The following SGCD variants were observed in gnomAD, a reference collection of about 807,000 sequenced individuals.
SGCD encodes sarcoglycan delta.
Under a neutral mutation model 36.6 loss-of-function variants are expected in SGCD, and 18 were observed. That is an observed-to-expected ratio of 0.49 (90% CI 0.34 to 0.73). The LOEUF (loss-of-function observed/expected upper bound fraction) is 0.73, where lower values mean the gene tolerates loss of function less well. Among genes scored for constraint, SGCD ranks in the 30% least tolerant of loss-of-function variants. SGCD has a pLI of 0.01. For missense variants in SGCD, 387 were observed against 346.7 expected (o/e 1.12, Z -0.92); for synonymous variants, 133 against 130.6 (o/e 1.02, Z -0.12).
chr5:155,951,001 T>C (rs920592264), intron 1 of SGCD, among the ~76,000 whole-genome samples: 3 of 152,116 alleles, frequency 2.0e-5, no homozygotes, highest in Non-Finnish European at 4.4e-5. Flanking sequence ...AACACAGTCT[T>C]TGAACTTCAT....
At chr5:156,008,466 C>T (rs764601602) in intron 1 of SGCD, among the ~76,000 whole-genome samples, 10 of 152,150 alleles carry the variant, frequency 6.6e-5, no homozygotes, top group Non-Finnish European at 1.3e-4. Context: ...GCCTCAAACT[C>T]CTGAGCCCAA....
At chr5:155,918,222 C>A (rs768597393) in intron 1 of SGCD, among the ~76,000 whole-genome samples, 3 of 152,110 alleles carry the variant, frequency 2.0e-5, no homozygotes, top group Non-Finnish European at 4.4e-5. Context: ...ATAATGATAT[C>A]CTGAAAGCTA....
At chr5:155,930,225 C>T (rs1009108180) in intron 1 of SGCD, among the ~76,000 whole-genome samples, 3 of 152,170 alleles carry the variant, frequency 2.0e-5, no homozygotes, top group Admixed American at 6.5e-5. Context: ...TATCTAGAAA[C>T]ACCTCTGTAC....
chr5:156,609,707 C>A (rs1037259113), intron 6 of SGCD, among the ~76,000 whole-genome samples: 1 of 152,218 alleles, frequency 6.6e-6, no homozygotes, highest in Non-Finnish European at 1.5e-5. Flanking sequence ...TTGGTCTTTT[C>A]ACATAGTCCC....
At chr5:156,665,051 G>T (rs1764088776) in intron 7 of SGCD, among the ~76,000 whole-genome samples, 1 of 151,046 alleles carries the variant, frequency 6.6e-6, no homozygotes, top group Non-Finnish European at 1.5e-5. Flanking sequence ...TGATGGTATG[G>T]CGCCCTGCCC....
chr5:156,627,974 A>C (rs1160827403), intron 6 of SGCD, among the ~76,000 whole-genome samples: 1 of 152,180 alleles, frequency 6.6e-6, no homozygotes, highest in East Asian at 1.9e-4. Context: ...TTTATAAAGG[A>C]AAAAGGTTTA....
the SGCD span, among the ~76,000 whole-genome samples, chr5:155,836,977 T>C: frequency 2.6e-5 from 4 of 152,296 alleles, no homozygotes; most frequent in South Asian, 8.3e-4. Context: ...ATCATCCATG[T>C]CCACAAATGC....
chr5:156,382,466 A>G (rs190569497), intron 3 of SGCD, among the ~76,000 whole-genome samples: 53 of 152,300 alleles, frequency 3.5e-4, no homozygotes, highest in African/African-American at 1.2e-3. Flanking sequence ...TGGTGTCTTG[A>G]TGTACTTGTA....
intron 3 of SGCD, among the ~76,000 whole-genome samples, chr5:156,197,255 C>G (rs1043493868): frequency 2.6e-5 from 4 of 152,152 alleles, no homozygotes; most frequent in Non-Finnish European, 5.9e-5. Flanking sequence ...TATTGCCCTG[C>G]ATGAATAATG....
chr5:156,278,151 T>C (rs1166560082), intron 3 of SGCD, among the ~76,000 whole-genome samples: 1 of 152,124 alleles, frequency 6.6e-6, no homozygotes, highest in Non-Finnish European at 1.5e-5. Flanking sequence ...ATCAAGGTCC[T>C]GAGACAGAAG....
intron 1 of SGCD, among the ~76,000 whole-genome samples, chr5:156,003,463 T>C (rs1758701764): frequency 2.6e-5 from 4 of 152,186 alleles, no homozygotes; most frequent in Admixed American, 2.6e-4. Flanking sequence ...TTTCAAATGC[T>C]TTCTCACTCT....
intron 2 of SGCD, among the ~76,000 whole-genome samples, chr5:156,121,307 C>A (rs1009100396): frequency 6.6e-6 from 1 of 152,100 alleles, no homozygotes; most frequent in Non-Finnish European, 1.5e-5. Context: ...AATGATTTAC[C>A]TATGACTTCA....
chr5:156,372,319 T>G (rs1050489011), intron 3 of SGCD, among the ~76,000 whole-genome samples: 1 of 152,220 alleles, frequency 6.6e-6, no homozygotes, highest in African/African-American at 2.4e-5. Flanking sequence ...ACTTGCATAT[T>G]TTACTTTGGT....
chr5:156,302,185 G>T (rs192055701), intron 3 of SGCD, among the ~76,000 whole-genome samples: 11 of 152,022 alleles, frequency 7.2e-5, no homozygotes, highest in African/African-American at 2.2e-4. Flanking sequence ...TTGTAGGTAT[G>T]CTTCATTCCT....
chr5:156,619,166 C>T (rs1015088295), intron 6 of SGCD, among the ~76,000 whole-genome samples: 2 of 152,094 alleles, frequency 1.3e-5, no homozygotes, highest in Non-Finnish European at 2.9e-5. Context: ...GCTGGGACTA[C>T]AGGCACCTGC....
chr5:155,820,926 C>A, the SGCD span, among the ~76,000 whole-genome samples: 1 of 152,032 alleles, frequency 6.6e-6, no homozygotes, highest in East Asian at 1.9e-4. Flanking sequence ...CTTCATAGAC[C>A]ACAGAGAGAG....
chr5:156,518,810 C>T (rs868458348), intron 4 of SGCD, among the ~76,000 whole-genome samples: 1 of 152,064 alleles, frequency 6.6e-6, no homozygotes, highest in Non-Finnish European at 1.5e-5. Context: ...CTAATGAGAA[C>T]AAAGGGACAA....
intron 3 of SGCD, among the ~76,000 whole-genome samples, chr5:156,201,513 T>C (rs1448032605): frequency 1.3e-5 from 2 of 151,938 alleles, no homozygotes; most frequent in African/African-American, 2.4e-5. Context: ...CCATAGGAGG[T>C]TTTGGTTGGA....
intron 1 of SGCD, among the ~76,000 whole-genome samples, chr5:156,111,888 C>T (rs1488622869): frequency 6.6e-6 from 1 of 151,928 alleles, no homozygotes; most frequent in Non-Finnish European, 1.5e-5. Flanking sequence ...AAGTGATTCT[C>T]CTGCCTCAGC....
Sources: allele counts gnomAD v4.1 joint callset (sites outside exome capture counted in the v4.1 genomes callset), GRCh38; gene constraint gnomAD v4.1.1; transcripts MANE v1.5; gene names NCBI Gene and HGNC (gene_info 2026-07-23, HGNC 2026-07-21).